ABCG2: variants seen among roughly 807,000 people sequenced by gnomAD.
ABCG2 encodes the protein ATP binding cassette subfamily G member 2 (JR blood group).
A neutral mutation model predicts 73.5 loss-of-function variants in ABCG2; 80 were observed. That is an observed-to-expected ratio of 1.09 (90% CI 0.91 to 1.31). The LOEUF (loss-of-function observed/expected upper bound fraction) is 1.31, where lower values mean the gene tolerates loss of function less well. Ranked by LOEUF, ABCG2 falls within the 50% of genes most tolerant of loss-of-function variation. ABCG2 has a pLI of 0.00. For missense variants in ABCG2, 796 were observed against 786.2 expected, an observed-to-expected ratio of 1.01 and a Z score of -0.15; for synonymous variants, 269 against 282.4, an observed-to-expected ratio of 0.95 and a Z score of 0.48.
intron 9 of ABCG2, among the ~76,000 whole-genome samples, chr4:88,111,050 G>A (rs1440824619): frequency 1.3e-5 from 2 of 152,334 alleles, no homozygotes; most frequent in African/African-American, 4.8e-5. Flanking sequence ...AGCATTGGAA[G>A]GAAGCCCAGT....
chr4:88,165,347 T>C (rs1727474422), intron 1 of ABCG2, among the ~76,000 whole-genome samples: 1 of 152,236 alleles, frequency 6.6e-6, no homozygotes, highest in South Asian at 2.1e-4. Context: ...AAAATCAAAA[T>C]GTCAGCAGGT....
intron 1 of ABCG2, among the ~76,000 whole-genome samples, chr4:88,149,187 G>A (rs982010657): frequency 2.6e-5 from 4 of 152,096 alleles, no homozygotes; most frequent in East Asian, 3.8e-4. Flanking sequence ...CTATACTCCC[G>A]TCTGGGTGAG....
At chr4:88,201,237 A>G (rs1362280856) in intron 1 of ABCG2, among the ~76,000 whole-genome samples, 1 of 149,292 alleles carries the variant, frequency 6.7e-6, no homozygotes, top group Admixed American at 6.7e-5. Flanking sequence ...GAGAGAGGAC[A>G]TAATCACTAA....
At chr4:88,109,238 T>C (rs900022962) in intron 9 of ABCG2, among the ~76,000 whole-genome samples, 1 of 152,024 alleles carries the variant, frequency 6.6e-6, no homozygotes, top group African/African-American at 2.4e-5. Context: ...GACCTCATGA[T>C]CTGCCCGCCT....
upstream of ABCG2, chr4:88,159,256 C>A (rs1190168748): frequency 4.4e-6 from 2 of 455,298 alleles, no homozygotes; most frequent in Middle Eastern, 3.2e-4. Flanking sequence ...AGCGCCGAAG[C>A]ACCGGGGACG....
intron 1 of ABCG2, among the ~76,000 whole-genome samples, chr4:88,177,647 T>C (rs1728062765): frequency 6.6e-6 from 1 of 152,092 alleles, no homozygotes; most frequent in African/African-American, 2.4e-5. Context: ...TTTAACTTCA[T>C]ATCATTGAAA....
At chr4:88,156,678 G>A (rs1420844196) in intron 1 of ABCG2, among the ~76,000 whole-genome samples, 6 of 152,048 alleles carry the variant, frequency 3.9e-5, no homozygotes, top group South Asian at 2.1e-4. Context: ...AAAAAAACCC[G>A]CTAAACAACA....
At chr4:88,110,335 G>A (rs753948190) in intron 9 of ABCG2, among the ~76,000 whole-genome samples, 1 of 152,076 alleles carries the variant, frequency 6.6e-6, no homozygotes, top group African/African-American at 2.4e-5. Flanking sequence ...CTGAGGTCAG[G>A]AGTTCGAAGC....
intron 1 of ABCG2, among the ~76,000 whole-genome samples, chr4:88,141,696 T>G (rs1725651315): frequency 1.3e-5 from 2 of 152,216 alleles, no homozygotes; most frequent in African/African-American, 2.4e-5. Context: ...CTGAATCTGC[T>G]GTGATTCTGA....
intron 1 of ABCG2, among the ~76,000 whole-genome samples, chr4:88,222,986 G>C (rs1229168956): frequency 6.6e-6 from 1 of 152,204 alleles, no homozygotes; most frequent in African/African-American, 2.4e-5. Flanking sequence ...GAATGTTAAG[G>C]TTTAATGACT....
At chr4:88,141,133 T>G (rs4148149) in intron 1 of ABCG2, among the ~76,000 whole-genome samples, 63,214 of 151,932 alleles carry the variant, frequency 0.42, 13,886 homozygotes, top group African/African-American at 0.56. Flanking sequence ...TGCCTATGAT[T>G]GAGTTGCTGT....
upstream of ABCG2, chr4:88,158,801 G>A (rs977259490): frequency 1.2e-5 from 4 of 339,212 alleles, no homozygotes; most frequent in South Asian, 4.4e-5. Context: ...GATGGGAGCC[G>A]GCGGGTGGCC....
At chr4:88,129,227 A>G (rs1241876656) in intron 5 of ABCG2, among the ~76,000 whole-genome samples, 3 of 152,168 alleles carry the variant, frequency 2.0e-5, no homozygotes, top group Non-Finnish European at 4.4e-5. Flanking sequence ...TTGACCCCAT[A>G]TATACCTAAG....
chr4:88,213,547 C>G (rs894935955), intron 1 of ABCG2, among the ~76,000 whole-genome samples: 1 of 152,036 alleles, frequency 6.6e-6, no homozygotes, highest in African/African-American at 2.4e-5. Flanking sequence ...GTCTCATCCC[C>G]TTTTTCCTAA....
chr4:88,108,703 T>C (rs1159213447), intron 9 of ABCG2, among the ~76,000 whole-genome samples: 1 of 152,180 alleles, frequency 6.6e-6, no homozygotes, highest in Non-Finnish European at 1.5e-5. Flanking sequence ...ACTTTTGGCA[T>C]GAAGCAAACC....
At chr4:88,183,156 A>G (rs1728327058) in intron 1 of ABCG2, among the ~76,000 whole-genome samples, 1 of 151,582 alleles carries the variant, frequency 6.6e-6, no homozygotes. Flanking sequence ...TATGCATCTT[A>G]AAGAACTAGG....
chr4:88,099,253 G>A, intron 12 of ABCG2, 71 bp downstream of exon 12: 2 of 1,391,036 alleles, frequency 1.4e-6, no homozygotes, highest in Non-Finnish European at 1.9e-6. Flanking sequence ...AAATATGCTT[G>A]CAAGGTGCAA....
At chr4:88,115,282 A>AT (rs1723491661) in intron 7 of ABCG2, among the ~76,000 whole-genome samples, 5 of 54,570 alleles carry the variant, frequency 9.2e-5, no homozygotes, top group African/African-American at 3.2e-4. Context: ...ATATATATAT[A>AT]TAATTTATTT....
Position 88,132,601 on chromosome 4 carries a change from C to A in ABCG2, c.238G>T (p.Gly80Ter). Reference sequence around the variant, plus strand: ...GAAGATTTGCCTCCACCTGTGGGTCCCAGGATGGCGTTGAGACCAGGTTTC... The same window carrying A: ...GAAGATTTGCCTCCACCTGTGGGTCACAGGATGGCGTTGAGACCAGGTTTC... The part of the protein sequence containing the change: ...IMKPGLNAIL[G>*]PTGGGKSSLL... Residue 80 changes from glycine to a stop codon, truncating the protein, a stop_gained, in exon 3 of 16, where the codon GGA becomes TGA. Transcript: ENST00000237612. LOFTEE classifies it high-confidence loss of function. 1 of 1,614,152 alleles carries A rather than the reference C, an allele frequency of 6.2e-7. No homozygotes were observed. Among genetic ancestry groups the A allele is most frequent in the South Asian group, 1.1e-5 (1 of 91,084 alleles).
Sources: gnomAD v4.1 joint callset for allele counts (sites outside exome capture counted in the v4.1 genomes callset) on GRCh38, gnomAD v4.1.1 for gene constraint, MANE v1.5 for transcripts, NCBI Gene and HGNC (gene_info 2026-07-23, HGNC 2026-07-21) for gene names.